LINGO2: variants seen among roughly 807,000 people sequenced by gnomAD.
LINGO2 encodes leucine-rich repeat and immunoglobulin-like domain-containing nogo receptor-interacting protein 2.
Under a neutral mutation model 30.6 loss-of-function variants are expected in LINGO2, and 14 were observed. The ratio of observed to expected loss-of-function variants is 0.46; its 90% confidence interval spans 0.30 to 0.72. The LOEUF (loss-of-function observed/expected upper bound fraction) is 0.72, where lower values mean the gene tolerates loss of function less well. Ranked by LOEUF, LINGO2 falls within the 30% of genes least tolerant of loss-of-function variation. The pLI, the probability that LINGO2 is intolerant of heterozygous loss-of-function variation, is 0.07. For missense variants in LINGO2, 729 were observed against 751.7 expected (o/e 0.97, Z 0.35); for synonymous variants, 317 against 288.5 (o/e 1.10, Z -1.00).
the LINGO2 span, among the ~76,000 whole-genome samples, chr9:28,912,142 G>C: frequency 6.6e-6 from 1 of 152,084 alleles, no homozygotes; most frequent in African/African-American, 2.4e-5. Flanking sequence ...ATGACTTCAT[G>C]TATGCTCTTT....
intron 1 of LINGO2, among the ~76,000 whole-genome samples, chr9:28,529,873 T>A (rs1038044510): frequency 7.9e-5 from 12 of 151,972 alleles, no homozygotes; most frequent in African/African-American, 2.7e-4. Context: ...AATAGCAAAA[T>A]TAAAAGAAAA....
At chr9:29,150,250 A>C in the LINGO2 span, among the ~76,000 whole-genome samples, 1 of 152,348 alleles carries the variant, frequency 6.6e-6, no homozygotes, top group South Asian at 2.1e-4. Context: ...GCCCTCCGAA[A>C]GTACCCAGAA....
intron 1 of LINGO2, among the ~76,000 whole-genome samples, chr9:28,646,465 A>C (rs1827843067): frequency 6.6e-6 from 1 of 152,226 alleles, no homozygotes; most frequent in East Asian, 1.9e-4. Context: ...TAAGAACTTA[A>C]CGGGCTAAAC....
At chr9:28,393,655 G>T (rs1307755235) in intron 2 of LINGO2, among the ~76,000 whole-genome samples, 1 of 152,184 alleles carries the variant, frequency 6.6e-6, no homozygotes, top group East Asian at 1.9e-4. Flanking sequence ...GGAATGCAAG[G>T]CAAGATCAAC....
At chr9:28,632,386 G>A (rs1479845842) in intron 1 of LINGO2, among the ~76,000 whole-genome samples, 2 of 151,700 alleles carry the variant, frequency 1.3e-5, no homozygotes, top group African/African-American at 4.8e-5. Context: ...GGGTTCCAAG[G>A]TTATACCTAC....
intron 1 of LINGO2, among the ~76,000 whole-genome samples, chr9:28,565,504 T>TA (rs977223098): frequency 6.1e-5 from 9 of 148,152 alleles, no homozygotes; most frequent in African/African-American, 2.3e-4. Flanking sequence ...TATTTTTATT[T>TA]TTTTTTTTTT....
At chr9:28,194,349 C>T (rs1819932199) in intron 4 of LINGO2, among the ~76,000 whole-genome samples, 1 of 152,000 alleles carries the variant, frequency 6.6e-6, no homozygotes, top group African/African-American at 2.4e-5. Flanking sequence ...CCAATACTAA[C>T]CTAATTAATC....
At chr9:28,608,235 T>A (rs1282890130) in intron 1 of LINGO2, among the ~76,000 whole-genome samples, 2 of 151,948 alleles carry the variant, frequency 1.3e-5, no homozygotes, top group African/African-American at 4.8e-5. Context: ...TCCCTAAAAT[T>A]ATTTTTAAGA....
chr9:28,866,459 G>A, the LINGO2 span, among the ~76,000 whole-genome samples: 3 of 152,036 alleles, frequency 2.0e-5, no homozygotes, highest in Non-Finnish European at 2.9e-5. Context: ...CATACAAAGT[G>A]ATTCTGAATC....
intron 4 of LINGO2, among the ~76,000 whole-genome samples, chr9:28,259,626 T>C (rs1822498319): frequency 6.6e-6 from 1 of 151,350 alleles, no homozygotes; most frequent in African/African-American, 2.4e-5. Flanking sequence ...GAGAGAGTCA[T>C]GAAAGGAAAC....
At chr9:28,577,645 A>C (rs1272034398) in intron 1 of LINGO2, among the ~76,000 whole-genome samples, 1 of 152,180 alleles carries the variant, frequency 6.6e-6, no homozygotes, top group Non-Finnish European at 1.5e-5. Context: ...TCTGGGCAGC[A>C]GGCAAGATGA....
intron 4 of LINGO2, among the ~76,000 whole-genome samples, chr9:28,167,146 C>T (rs879619469): frequency 9.2e-5 from 13 of 141,324 alleles, no homozygotes; most frequent in Middle Eastern, 3.8e-3. Flanking sequence ...AGCACCCCCC[C>T]CCCCCACTTT....
chr9:29,196,157 G>T, the LINGO2 span, among the ~76,000 whole-genome samples: 1 of 152,054 alleles, frequency 6.6e-6, no homozygotes, highest in South Asian at 2.1e-4. Context: ...CCCTGGGATT[G>T]CAGAGCATCT....
chr9:29,173,110 G>A, the LINGO2 span, among the ~76,000 whole-genome samples: 4 of 151,930 alleles, frequency 2.6e-5, no homozygotes, highest in Non-Finnish European at 2.9e-5. Flanking sequence ...GATAAATAAG[G>A]TGAAGAAAAG....
the LINGO2 span, among the ~76,000 whole-genome samples, chr9:28,893,602 T>A: frequency 1.2e-5 from 1 of 80,960 alleles, no homozygotes; most frequent in African/African-American, 4.3e-5. Flanking sequence ...ATTTAAAAAA[T>A]TTGATGGAAG....
At chr9:28,251,579 A>G (rs1179293645) in intron 4 of LINGO2, among the ~76,000 whole-genome samples, 1 of 151,542 alleles carries the variant, frequency 6.6e-6, no homozygotes, top group Non-Finnish European at 1.5e-5. Flanking sequence ...TCTCTTTGCA[A>G]TCTCTTTAGC....
the LINGO2 span, among the ~76,000 whole-genome samples, chr9:28,971,715 G>A: frequency 3.3e-5 from 5 of 152,218 alleles, no homozygotes; most frequent in South Asian, 2.1e-4. Flanking sequence ...GGGGCCTAGC[G>A]GAACTTGGTG....
intron 1 of LINGO2, among the ~76,000 whole-genome samples, chr9:28,523,700 C>T (rs998735499): frequency 7.9e-5 from 12 of 151,898 alleles, no homozygotes; most frequent in Non-Finnish European, 1.6e-4. Flanking sequence ...TAAAAATAAA[C>T]AGATATAAAA....
the LINGO2 span, among the ~76,000 whole-genome samples, chr9:28,846,992 C>T: frequency 1.4e-5 from 2 of 147,428 alleles, no homozygotes; most frequent in African/African-American, 5.1e-5. Context: ...CAAGGCTATA[C>T]CCAGATGATG....
Sources: allele counts gnomAD v4.1 joint callset (sites outside exome capture counted in the v4.1 genomes callset), GRCh38; gene constraint gnomAD v4.1.1; transcripts MANE v1.5; gene names NCBI Gene and HGNC (gene_info 2026-07-23, HGNC 2026-07-21).